Variants in RSPH14 observed in about 807,000 individuals in gnomAD.
RSPH14 encodes rhabdoid tumor deletion region gene 1.
Under a neutral mutation model 26.7 loss-of-function variants are expected in RSPH14, and 20 were observed. That is an observed-to-expected ratio of 0.75 (90% CI 0.53 to 1.09). RSPH14 has a LOEUF of 1.09. Among genes scored for constraint, RSPH14 ranks in the 50% least tolerant of loss-of-function variants. The pLI is 0.00. For synonymous variants in RSPH14, 177 were observed against 189.3 expected, an observed-to-expected ratio of 0.93 and a Z score of 0.53; for missense variants, 449 against 457.2, an observed-to-expected ratio of 0.98 and a Z score of 0.16.
At chr22:23,124,075 C>G (rs529444439) in intron 4 of RSPH14, 2 of 222,496 alleles carry the variant, frequency 9.0e-6, no homozygotes, top group African/African-American at 4.7e-5. Flanking sequence ...GCAGCAAAAA[C>G]CAATACAACA....
At chr22:23,176,737 C>T in the RSPH14 span, among the ~76,000 whole-genome samples, 1 of 152,144 alleles carries the variant, frequency 6.6e-6, no homozygotes, top group African/African-American at 2.4e-5. Flanking sequence ...CAATGCCTTC[C>T]TCATAAACAA....
At chr22:23,159,128 C>A in the RSPH14 span, 3 of 1,601,332 alleles carry the variant, frequency 1.9e-6, no homozygotes, top group Non-Finnish European at 2.6e-6. Context: ...GCAGGAGAGC[C>A]GGGACGCTGG....
chr22:23,176,870 A>C, the RSPH14 span, among the ~76,000 whole-genome samples: 2 of 152,302 alleles, frequency 1.3e-5, no homozygotes, highest in South Asian at 2.1e-4. Flanking sequence ...GTGGCCATTG[A>C]AACTCACTAA....
At chr22:23,120,522 T>A (rs1386103992) in intron 4 of RSPH14, among the ~76,000 whole-genome samples, 1 of 152,102 alleles carries the variant, frequency 6.6e-6, no homozygotes, top group Non-Finnish European at 1.5e-5. Flanking sequence ...CTCCTGCTCC[T>A]CCTCTTACCT....
intron 4 of RSPH14, among the ~76,000 whole-genome samples, chr22:23,086,857 G>C (rs1478554643): frequency 6.6e-6 from 1 of 152,218 alleles, no homozygotes; most frequent in Non-Finnish European, 1.5e-5. Context: ...AGGACACCTG[G>C]CTCCTCAGCA....
At chr22:23,097,344 G>A (rs774148441) in intron 4 of RSPH14, among the ~76,000 whole-genome samples, 4 of 152,196 alleles carry the variant, frequency 2.6e-5, no homozygotes, top group Non-Finnish European at 4.4e-5. Context: ...TAGGTTCAGC[G>A]GAGAGCAACA....
At chr22:23,068,889 G>C (rs1601734105) in intron 4 of RSPH14, among the ~76,000 whole-genome samples, 2 of 152,140 alleles carry the variant, frequency 1.3e-5, no homozygotes, top group South Asian at 4.1e-4. Flanking sequence ...CTGGTGGTGT[G>C]GAAGGCAAGC....
intron 4 of RSPH14, among the ~76,000 whole-genome samples, chr22:23,105,661 T>C (rs986708559): frequency 3.3e-5 from 5 of 152,216 alleles, no homozygotes; most frequent in Non-Finnish European, 5.9e-5. Context: ...CGCATGGTGA[T>C]GGCGTGCAAG....
Position 23,062,044 on chromosome 22 carries a change from G to C in RSPH14, c.654-99C>G. ...GGAGACACAAAAGAAATAATTGTGTGGGGGCTACCCCAGGTAGTCCCAGGA... is the reference window on the plus strand; with the variant it reads ...GGAGACACAAAAGAAATAATTGTGTCGGGGCTACCCCAGGTAGTCCCAGGA... On this transcript the variant is annotated intron_variant, in intron 5 of 6. Transcript: ENST00000216036. The C allele has an allele frequency of 3.5e-6, 5 of 1,427,180 alleles. No homozygotes were observed. The South Asian group carries it at 6.2e-5, about 18-fold the overall frequency. The allele number at this position is 1,427,180 out of a possible 1,614,324, so 88.4% of individuals were successfully genotyped here.
At chr22:23,152,395 G>T in the RSPH14 span, 1 of 1,529,190 alleles carries the variant, frequency 6.5e-7, no homozygotes, top group Admixed American at 1.7e-5. Context: ...GGAAGGAAGG[G>T]GCTGTGAGTG....
intron 4 of RSPH14, among the ~76,000 whole-genome samples, chr22:23,097,892 G>A (rs959282279): frequency 2.0e-5 from 3 of 152,264 alleles, no homozygotes; most frequent in African/African-American, 7.2e-5. Context: ...ACAGTGGCAG[G>A]CGTGGCAAAT....
the RSPH14 span, among the ~76,000 whole-genome samples, chr22:23,164,648 G>GC: frequency 3.3e-5 from 5 of 152,184 alleles, no homozygotes; most frequent in East Asian, 9.6e-4. Flanking sequence ...CAGGCAAGCA[G>GC]CCCCCTGCAG....
chr22:23,171,000 A>T, the RSPH14 span, among the ~76,000 whole-genome samples: 1 of 149,140 alleles, frequency 6.7e-6, no homozygotes, highest in African/African-American at 2.5e-5. Flanking sequence ...GTGGAGTCTC[A>T]CTCTGTCCCC....
At chr22:23,134,667 C>T (rs1031272043) in intron 3 of RSPH14, among the ~76,000 whole-genome samples, 26 of 151,724 alleles carry the variant, frequency 1.7e-4, no homozygotes, top group Non-Finnish European at 3.1e-4. Context: ...GAGTTCGAGA[C>T]CAGCCTGGCC....
At chr22:23,060,271 A>T (rs2068065804) in intron 6 of RSPH14, among the ~76,000 whole-genome samples, 1 of 152,052 alleles carries the variant, frequency 6.6e-6, no homozygotes, top group Non-Finnish European at 1.5e-5. Flanking sequence ...GGAGATTGTG[A>T]CCATCCTGGC....
intron 4 of RSPH14, chr22:23,131,380 C>A: frequency 4.2e-6 from 1 of 238,758 alleles, no homozygotes; most frequent in Non-Finnish European, 8.5e-6. Flanking sequence ...TTATTAGTAG[C>A]TCAAGGAAAG....
chr22:23,089,776 TTCCTGAGTGGG>T (rs2068914706), intron 4 of RSPH14, among the ~76,000 whole-genome samples: 1 of 152,114 alleles, frequency 6.6e-6, no homozygotes, highest in Non-Finnish European at 1.5e-5. Flanking sequence ...CAGCAGAGGG[TTCCTGAGTGGG>T]CTCAGGGCTT....
upstream of RSPH14, chr22:23,150,009 G>T: frequency 7.1e-7 from 1 of 1,400,044 alleles, no homozygotes; most frequent in South Asian, 1.2e-5. Context: ...TTGGCTACGA[G>T]GGCGGAGCCA....
intron 4 of RSPH14, among the ~76,000 whole-genome samples, chr22:23,126,095 AT>A (rs1051882174): frequency 2.6e-4 from 40 of 152,352 alleles, no homozygotes; most frequent in Middle Eastern, 3.4e-3. Flanking sequence ...GTGACTTAAA[AT>A]CGTTGAGACT....
Sources: allele counts gnomAD v4.1 joint callset (sites outside exome capture counted in the v4.1 genomes callset), GRCh38; gene constraint gnomAD v4.1.1; transcripts MANE v1.5; gene names NCBI Gene and HGNC (gene_info 2026-07-23, HGNC 2026-07-21).